The following RP1 variants were observed in gnomAD, a reference collection of about 807,000 sequenced individuals.
The protein encoded by RP1 is RP1 axonemal microtubule associated, also known as oxygen-regulated protein 1.
A neutral mutation model predicts 14.8 loss-of-function variants in RP1; 16 were observed. The ratio of observed to expected loss-of-function variants is 1.08; its 90% CI spans 0.73 to 1.65. The LOEUF is 1.65. RP1 is among the 40% of genes most tolerant of loss of function. RP1 has a pLI of 0.00. For synonymous variants in RP1, 876 were observed against 883.6 expected, an observed-to-expected ratio of 0.99 and a Z score of 0.15; for missense variants, 2,631 against 2,535.0, an observed-to-expected ratio of 1.04 and a Z score of -0.81.
At chr8:54,586,716 C>T (rs6991010) in intron 1 of RP1, among the ~76,000 whole-genome samples, 12,004 of 152,198 alleles carry the variant, frequency 0.079, 1,503 homozygotes, top group African/African-American at 0.26. Flanking sequence ...CCCCCAGCCT[C>T]GCTGCCACCT....
At chr8:54,644,521 A>G (rs1028523421) in intron 3 of RP1, among the ~76,000 whole-genome samples, 4 of 152,194 alleles carry the variant, frequency 2.6e-5, no homozygotes, top group Middle Eastern at 6.8e-3. Flanking sequence ...TTCCTTGGTA[A>G]CTCCGTCTCT....
chr8:54,625,940 A>G lies in RP1; in HGVS notation c.2058A>G (p.Gln686=). The part of the protein sequence containing the change: ...SRQQAINSRY[Q]DGQLATKGIL... ...AGCAAGCAATAAATTCCAGGTATCA[A>G]GATGGACAGCTTGCAACCAAAGGAA... The change falls in exon 4 of 4, where the codon CAA becomes CAG. Residue 686 remains glutamine (Q), a synonymous_variant. Transcript: ENST00000220676. 1 of 1,614,016 alleles carries G rather than the reference A, an allele frequency of 6.2e-7. No homozygotes were observed. Among genetic ancestry groups the G allele is most frequent in the Non-Finnish European group, 8.5e-7 (1 of 1,179,960 alleles).
chr8:54,701,466 T>G (rs1186191124), intron 13 of RP1: 1 of 1,493,464 alleles, frequency 6.7e-7, no homozygotes, highest in South Asian at 1.3e-5. Context: ...TTTAGAGGGT[T>G]TTTTTGTTTT....
chr8:54,803,111 C>T (rs765290145), intron 24 of RP1, among the ~76,000 whole-genome samples: 16 of 152,088 alleles, frequency 1.1e-4, no homozygotes, highest in Admixed American at 4.6e-4. Flanking sequence ...TCTCAACTTG[C>T]CTGGAAACCA....
intron 19 of RP1, among the ~76,000 whole-genome samples, chr8:54,750,511 A>T (rs2129364223): frequency 6.6e-6 from 1 of 152,356 alleles, no homozygotes; most frequent in East Asian, 1.9e-4. Context: ...AGGAGAAGCC[A>T]GCTGGACTTC....
At chr8:54,753,742 A>G (rs532611511) in intron 19 of RP1, among the ~76,000 whole-genome samples, 2 of 152,306 alleles carry the variant, frequency 1.3e-5, no homozygotes, top group East Asian at 3.9e-4. Context: ...TGTTGAAAAA[A>G]AAGTTGTGTG....
rs774399227 is a variant in RP1, at chr8:54,626,810, T to A, written c.2928T>A (p.Thr976=). The A allele has an allele frequency of 1.9e-6, 3 of 1,613,778 alleles. No homozygotes were observed. The East Asian group carries it at 6.7e-5, about 36-fold the overall frequency. Residue 976 remains threonine (T), a synonymous_variant, in exon 4 of 4, where the codon ACT becomes ACA. Transcript: ENST00000220676. ...NFVMESNKHI[T]KIAGLTGDNL... is the part of the protein sequence containing the mutation. ...TTATGGAAAGTAATAAGCACATAAC[T>A]AAAATTGCCGGTTTGACAGGAGATA...
intron 27 of RP1, among the ~76,000 whole-genome samples, chr8:54,857,459 A>G (rs991746515): frequency 1.3e-5 from 2 of 150,432 alleles, no homozygotes; most frequent in Admixed American, 1.3e-4. Context: ...ATAAATGGTC[A>G]CTAATTAAAT....
At chr8:54,746,220 C>T (rs1041759041) in intron 19 of RP1, among the ~76,000 whole-genome samples, 2 of 152,108 alleles carry the variant, frequency 1.3e-5, no homozygotes, top group Non-Finnish European at 2.9e-5. Flanking sequence ...TGAAATCATT[C>T]CTAGTGTCCC....
intron 8 of RP1, among the ~76,000 whole-genome samples, chr8:54,674,319 G>A (rs1807246073): frequency 6.6e-6 from 1 of 152,130 alleles, no homozygotes; most frequent in South Asian, 2.1e-4. Flanking sequence ...GGCACGTTAA[G>A]GAGACTGTCC....
downstream of RP1, among the ~76,000 whole-genome samples, chr8:54,632,084 C>T (rs940437755): frequency 5.9e-5 from 9 of 151,978 alleles, no homozygotes; most frequent in South Asian, 2.1e-4. Context: ...TCAGGTGATC[C>T]GCCCGCCTCG....
chr8:54,861,300 C>G (rs1280351494), intron 27 of RP1, among the ~76,000 whole-genome samples: 1 of 152,166 alleles, frequency 6.6e-6, no homozygotes, highest in Non-Finnish European at 1.5e-5. Context: ...ATTTCAAAAA[C>G]CTTTGCTTTA....
intron 1 of RP1, among the ~76,000 whole-genome samples, chr8:54,565,770 G>A (rs1364167668): frequency 1.3e-5 from 2 of 152,102 alleles, no homozygotes; most frequent in East Asian, 3.9e-4. Context: ...TCCTACATTA[G>A]ACTTTTAGGG....
intron 16 of RP1, among the ~76,000 whole-genome samples, chr8:54,725,159 T>C (rs1224359278): frequency 6.6e-6 from 1 of 152,226 alleles, no homozygotes; most frequent in African/African-American, 2.4e-5. Context: ...AGTTTATCTC[T>C]TTGTAGATCC....
chr8:54,813,141 A>T (rs186961763), intron 24 of RP1, among the ~76,000 whole-genome samples: 1 of 152,234 alleles, frequency 6.6e-6, no homozygotes, highest in Non-Finnish European at 1.5e-5. Context: ...ATTACACCTA[A>T]ATTGTCTCGA....
At chr8:54,620,599 G>A (rs1261146574) in intron 1 of RP1, among the ~76,000 whole-genome samples, 1 of 152,040 alleles carries the variant, frequency 6.6e-6, no homozygotes, top group African/African-American at 2.4e-5. Flanking sequence ...TTTTCACTTA[G>A]TAATATGTCA....
intron 5 of RP1, chr8:54,652,951 G>A: frequency 1.1e-6 from 1 of 885,076 alleles, no homozygotes; most frequent in Admixed American, 2.0e-5. Flanking sequence ...CCTATAATGA[G>A]TTGATAGAGT....
At chr8:54,790,521 C>G (rs10094552) in intron 24 of RP1, among the ~76,000 whole-genome samples, 64,930 of 149,536 alleles carry the variant, frequency 0.43, 14,501 homozygotes, top group African/African-American at 0.54. Flanking sequence ...AACTGTTTGA[C>G]AAGGAATTGA....
At chr8:54,605,845 G>A (rs1322685346) in intron 1 of RP1, among the ~76,000 whole-genome samples, 2 of 151,888 alleles carry the variant, frequency 1.3e-5, no homozygotes, top group East Asian at 1.9e-4. Flanking sequence ...TGTTTTATCC[G>A]AGACTAGGAT....
Sources: allele counts gnomAD v4.1 joint callset (sites outside exome capture counted in the v4.1 genomes callset), GRCh38; gene constraint gnomAD v4.1.1; transcripts MANE v1.5; gene names NCBI Gene and HGNC (gene_info 2026-07-23, HGNC 2026-07-21).